The following CNTLN variants were observed in gnomAD, a reference collection of about 807,000 sequenced individuals.
The protein encoded by CNTLN is centlein, centrosomal protein.
CNTLN carries 212 observed loss-of-function variants against 180.0 expected under a neutral mutation model. The ratio of observed to expected loss-of-function variants is 1.18; its 90% CI spans 1.05 to 1.32. CNTLN has a LOEUF of 1.32. CNTLN is among the 40% of genes most tolerant of loss of function. The probability of loss-of-function intolerance (pLI) is 0.00; values close to 1 mark genes in which losing one functional copy is unlikely to be tolerated. For synonymous variants in CNTLN, 722 were observed against 563.1 expected (o/e 1.28, Z -3.99); for missense variants, 2,095 against 1,610.9 (o/e 1.30, Z -5.14).
chr9:17,388,493 G>A (rs1187677440), intron 14 of CNTLN, among the ~76,000 whole-genome samples: 3 of 151,968 alleles, frequency 2.0e-5, no homozygotes, highest in Non-Finnish European at 4.4e-5. Flanking sequence ...AAGGTGAAAT[G>A]GAGAGAATGA....
At chr9:17,288,766 CTTCT>C (rs1262348846) in intron 6 of CNTLN, among the ~76,000 whole-genome samples, 3 of 136,706 alleles carry the variant, frequency 2.2e-5, no homozygotes, top group Admixed American at 7.3e-5. Flanking sequence ...ATGTAATGGC[CTTCT>C]TTGTCTCTTT....
rs1173032868 is a variant in CNTLN, at chr9:17,466,101, G to A, written c.3652G>A (p.Glu1218Lys). The A allele has an allele frequency of 6.2e-7, 1 of 1,602,520 alleles. No homozygotes were observed. Among genetic ancestry groups the A allele is most frequent in the Non-Finnish European group, 8.5e-7 (1 of 1,173,234 alleles). ...QYEQMYQKSK[E>K]ELEKKDLKLT... is the part of the protein sequence containing the mutation. ...TGAACAGATGTATCAGAAATCTAAA[G>A]AGGAGTTAGAAAAAAAGGTATGCTT... is the stretch of plus-strand genomic sequence containing the variant. Residue 1218 changes from glutamate (E) to lysine (K), a missense_variant, in exon 22 of 26, where the codon GAG becomes AAG. Coordinates refer to ENST00000380647, the MANE Select transcript of CNTLN (RefSeq NM_017738.4).
chr9:17,490,518 T>G (rs900417790), intron 25 of CNTLN, among the ~76,000 whole-genome samples: 1 of 152,020 alleles, frequency 6.6e-6, no homozygotes, highest in Non-Finnish European at 1.5e-5. Context: ...ATGATTCCAT[T>G]CATACAAAAT....
chr9:17,313,397 C>G (rs1364100167), intron 8 of CNTLN, among the ~76,000 whole-genome samples: 2 of 150,272 alleles, frequency 1.3e-5, no homozygotes, highest in Non-Finnish European at 3.0e-5. Flanking sequence ...TTCTTCCTTC[C>G]TTTTGGATTA....
At chr9:17,400,010 T>C (rs1826845274) in intron 15 of CNTLN, among the ~76,000 whole-genome samples, 1 of 152,224 alleles carries the variant, frequency 6.6e-6, no homozygotes, top group South Asian at 2.1e-4. Flanking sequence ...CCTTATCATG[T>C]AAAACTTATA....
intron 7 of CNTLN, chr9:17,299,241 CAAAAAAAAAAAAAA>C (rs368954391): frequency 8.7e-5 from 8 of 91,694 alleles, no homozygotes; most frequent in Admixed American, 1.5e-4. Context: ...GACAACGTCT[CAAAAAAAAAAAAAA>C]AAAAAAAAAA....
intron 23 of CNTLN, among the ~76,000 whole-genome samples, chr9:17,478,546 A>G (rs1190991112): frequency 6.7e-6 from 1 of 150,098 alleles, no homozygotes; most frequent in African/African-American, 2.5e-5. Context: ...TTTTTAAGAG[A>G]TGGCGTCTCA....
chr9:17,377,972 C>T (rs1413425396), intron 13 of CNTLN, among the ~76,000 whole-genome samples: 1 of 151,996 alleles, frequency 6.6e-6, no homozygotes, highest in Non-Finnish European at 1.5e-5. Flanking sequence ...TACTTTGTTC[C>T]AAGGATTTCT....
At chr9:17,136,841 A>T (rs996522278) in intron 1 of CNTLN, among the ~76,000 whole-genome samples, 2 of 152,226 alleles carry the variant, frequency 1.3e-5, no homozygotes, top group Non-Finnish European at 2.9e-5. Context: ...AGCATTTGTC[A>T]TCTGCAGACC....
intron 5 of CNTLN, among the ~76,000 whole-genome samples, chr9:17,271,663 C>G (rs1043515036): frequency 6.6e-6 from 1 of 152,146 alleles, no homozygotes; most frequent in African/African-American, 2.4e-5. Context: ...CCTCTTTGCT[C>G]CCAGGCCATA....
intron 3 of CNTLN, among the ~76,000 whole-genome samples, chr9:17,233,819 G>C (rs1427196702): frequency 6.6e-6 from 1 of 152,086 alleles, no homozygotes; most frequent in Non-Finnish European, 1.5e-5. Flanking sequence ...AAGTTCAGAA[G>C]TAAGCAAAAC....
intron 2 of CNTLN, among the ~76,000 whole-genome samples, chr9:17,161,007 A>T (rs1220098263): frequency 6.6e-6 from 1 of 152,184 alleles, no homozygotes; most frequent in African/African-American, 2.4e-5. Flanking sequence ...CATTTGTAGA[A>T]AGAGACAATT....
chr9:17,348,906 G>T (rs776352738), intron 12 of CNTLN, among the ~76,000 whole-genome samples: 4 of 152,202 alleles, frequency 2.6e-5, no homozygotes, highest in Non-Finnish European at 4.4e-5. Context: ...GGCTGGAGTA[G>T]GGTGGGCATG....
Position 17,392,049 on chromosome 9 carries a change from T to A in CNTLN, c.2080-2485T>A, listed in dbSNP as rs975908790. 3.9e-5 allele frequency among the ~76,000 whole-genome samples: 6 copies of A among 152,186 alleles called. No homozygotes were observed. In the South Asian group the frequency reaches 1.0e-3, roughly 26 times the overall value. ...AATATTTTTGTATCACCAAAGTCAC[T>A]GTTTAAAGAAAAAATGTGGACCAAT... is the stretch of plus-strand genomic sequence containing the variant. On this transcript the variant is annotated intron_variant, in intron 14 of 25. Transcript: ENST00000380647.
intron 2 of CNTLN, among the ~76,000 whole-genome samples, chr9:17,214,938 C>T (rs1823624792): frequency 6.6e-6 from 1 of 152,142 alleles, no homozygotes; most frequent in African/African-American, 2.4e-5. Flanking sequence ...ACTGGTTATT[C>T]TAGTTAGCCA....
intron 12 of CNTLN, among the ~76,000 whole-genome samples, chr9:17,358,175 C>T (rs1019679770): frequency 3.3e-5 from 5 of 151,816 alleles, no homozygotes; most frequent in Admixed American, 6.6e-5. Context: ...TAAGGGTGTT[C>T]GCTGCAGCAG....
At chr9:17,495,144 T>C (rs111872374) in intron 25 of CNTLN, 6,418 of 341,508 alleles carry the variant, frequency 0.019, 395 homozygotes, top group African/African-American at 0.13. Flanking sequence ...CCTCTCAAAG[T>C]GCTGGGATTA....
At chr9:17,367,619 C>T (rs1583989) in intron 13 of CNTLN, among the ~76,000 whole-genome samples, 87,514 of 151,542 alleles carry the variant, frequency 0.58, 25,650 homozygotes, top group East Asian at 0.73. Context: ...GAAGAAAGAT[C>T]AAATAGGTCT....
chr9:17,330,658 C>G lies in CNTLN; in HGVS notation c.1368C>G (p.Ser456Arg), dbSNP rs1472899500. ...AQVPHRPSLS[S>R]LETLMVSQKS... Reference sequence around the variant, plus strand: ...TACCTCATCGCCCATCCTTATCAAGCTTAGAAACGTTAATGGTTTCACAGA... The same window carrying G: ...TACCTCATCGCCCATCCTTATCAAGGTTAGAAACGTTAATGGTTTCACAGA... The change falls in exon 9 of 26, where the codon AGC becomes AGG. Residue 456 changes from serine to arginine, a missense_variant. By Grantham distance (110) the Ser-to-Arg change is moderately radical. Coordinates refer to ENST00000380647, the MANE Select transcript of CNTLN (RefSeq NM_017738.4). The G allele has an allele frequency of 3.1e-6, 5 of 1,604,678 alleles. No individual in the cohort carries two copies. Among genetic ancestry groups the G allele is most frequent in the Non-Finnish European group, 3.4e-6 (4 of 1,175,428 alleles).
Sources: gnomAD v4.1 joint callset for allele counts (sites outside exome capture counted in the v4.1 genomes callset) on GRCh38, gnomAD v4.1.1 for gene constraint, MANE v1.5 for transcripts, NCBI Gene and HGNC (gene_info 2026-07-23, HGNC 2026-07-21) for gene names.